Variants in COL18A1 observed in about 807,000 individuals in gnomAD.
COL18A1 encodes collagen type XVIII alpha 1 chain.
In COL18A1, 133 loss-of-function variants were observed where a neutral mutation model predicts 168.0. The observed-to-expected ratio is 0.79, with a 90% confidence interval of 0.69 to 0.91. COL18A1 has a LOEUF of 0.91. Ranked by LOEUF, COL18A1 falls within the 40% of genes least tolerant of loss-of-function variation. The pLI, the probability that COL18A1 is intolerant of heterozygous loss-of-function variation, is 0.00. For synonymous variants in COL18A1, 949 were observed against 809.0 expected (o/e 1.17, Z -2.94); for missense variants, 2,126 against 1,925.4 (o/e 1.10, Z -1.95).
intron 2 of COL18A1, among the ~76,000 whole-genome samples, chr21:45,435,823 T>G (rs567061608): frequency 1.2e-4 from 18 of 152,278 alleles, no homozygotes; most frequent in African/African-American, 4.3e-4. Flanking sequence ...GGTGTCGGCC[T>G]CCTCTGCATT....
At chr21:45,411,383 G>A (rs542945292) in intron 2 of COL18A1, among the ~76,000 whole-genome samples, 1 of 152,242 alleles carries the variant, frequency 6.6e-6, no homozygotes, top group East Asian at 1.9e-4. Context: ...AGCTGCTTGG[G>A]GATAGCCCAG....
rs73907523 is a variant in COL18A1, at chr21:45,473,512, G to A, written c.652-383G>A. On this transcript the variant is annotated intron_variant, in intron 3 of 41. Coordinates refer to ENST00000651438, the MANE Select transcript of COL18A1 (RefSeq NM_001379500.1). This position sits in a 1 kb window ranked among gnomAD's most constrained non-coding sequence, Gnocchi z 4.0. Reference sequence around the variant, plus strand: ...CGCCTGGTGCTTGCGTAAAGCTCCCGGGACTTGGGGTTGGGGGACTTGACC... The same window carrying A: ...CGCCTGGTGCTTGCGTAAAGCTCCCAGGACTTGGGGTTGGGGGACTTGACC... Among the ~76,000 whole-genome samples, 689 of 152,260 alleles carry A rather than the reference G, an allele frequency of 4.5e-3. 9 individuals carry two copies. The highest frequency in any genetic ancestry group is 0.016 in the African/African-American group (654 of 41,540).
Position 45,477,461 on chromosome 21 carries a change from C to T in COL18A1, c.979C>T (p.Arg327Trp), listed in dbSNP as rs551388856. The change falls in exon 7 of 42, where the codon CGG becomes TGG. Residue 327 changes from arginine to tryptophan, a missense_variant. Transcript: ENST00000651438. ...TGTCTCCACGTGGGACGGGAGTGTC[C>T]GGACCCCTGGGGGCCGCGTGAAAGA... ...DSVSTWDGSV[R>W]TPGGRVKEGG... 4.7e-5 allele frequency: 76 copies of T among 1,612,526 alleles called. No homozygotes were observed. The highest frequency in any genetic ancestry group is 3.6e-4 in the South Asian group (33 of 90,668).
chr21:45,443,092 A>ATGTGGGCGGCGGTGCTGG lies in COL18A1; in HGVS notation c.107-25089_107-25072dup, dbSNP rs59034607. Among the ~76,000 whole-genome samples the ATGTGGGCGGCGGTGCTGG allele has an allele frequency of 2.6e-3, 203 of 78,952 alleles. 2 individuals are homozygous for ATGTGGGCGGCGGTGCTGG. The highest frequency in any genetic ancestry group is 8.5e-3 in the Middle Eastern group (1 of 118). 51.8% of individuals were successfully genotyped at this position (78,952 alleles called of 152,430 possible). On this transcript the variant is annotated intron_variant, in intron 2 of 41. Transcript: ENST00000651438. The surrounding 1 kb of genome is among the most constrained non-coding windows in gnomAD (Gnocchi z 5.2). ...GCTGGTGTGGGTGGTGGTGGTGCTG[A>ATGTGGGCGGCGGTGCTGG]TGTGGGCGGCGGTGCTGGTGTGGGC...
rs545461678 is a variant in COL18A1, at chr21:45,510,381, C to T, written c.3693+120C>T. On this transcript the variant is annotated intron_variant, in intron 40 of 41. Transcript: ENST00000651438. ...GAGGCCACCATGTTACAGACACTGGCGCCTAGGCTGGCGACTTCAGGGCAG... is the reference window on the plus strand; with the variant it reads ...GAGGCCACCATGTTACAGACACTGGTGCCTAGGCTGGCGACTTCAGGGCAG... The T allele has an allele frequency of 7.2e-5, 86 of 1,193,942 alleles. No homozygotes were observed. The African/African-American group carries it at 7.4e-4, about 10-fold the overall frequency. The allele number at this position is 1,193,942 out of a possible 1,614,324, so 74.0% of individuals were successfully genotyped here. A position where few individuals can be genotyped will look rare whatever the true frequency, so the allele number is the denominator to read the frequency against.
At chr21:45,496,201 T>C (rs1718981739) in intron 29 of COL18A1, 2 of 590,796 alleles carry the variant, frequency 3.4e-6, no homozygotes, top group African/African-American at 3.7e-5. Context: ...GTCTCCCTGA[T>C]GTCAGCAGGG....
At chr21:45,474,077 A>C in intron 4 of COL18A1, 96 bp downstream of exon 4, 1 of 930,850 alleles carries the variant, frequency 1.1e-6, no homozygotes, top group Non-Finnish European at 1.7e-6. Flanking sequence ...CCCAAAATAT[A>C]CCACTTGGGG....
intron 39 of COL18A1, 75 bp from the exon 40 acceptor site, chr21:45,509,989 C>A: frequency 6.7e-7 from 1 of 1,492,120 alleles, no homozygotes; most frequent in Non-Finnish European, 9.0e-7. Context: ...GGTGCGGGGC[C>A]GGGGTGGTGC....
chr21:45,423,643 G>T lies in COL18A1; in HGVS notation c.106+18170G>T, dbSNP rs2033695758. ...CGGAACCAAGGGGCTCATGGCCATTGAGTGACTCCAGTTAATGCTGAATTA... is the reference window on the plus strand; with the variant it reads ...CGGAACCAAGGGGCTCATGGCCATTTAGTGACTCCAGTTAATGCTGAATTA... On this transcript the variant is annotated intron_variant, in intron 2 of 41. Coordinates refer to ENST00000651438, the MANE Select transcript of COL18A1 (RefSeq NM_001379500.1). This position sits in a 1 kb window ranked among gnomAD's most constrained non-coding sequence, Gnocchi z 4.0. 1 of 151,988 alleles carries T rather than the reference G, an allele frequency of 6.6e-6. No individual in the cohort carries two copies. The highest frequency in any genetic ancestry group is 2.4e-5 in the African/African-American group (1 of 41,350). The allele number at this position is 151,988 out of a possible 1,614,324, so 9.4% of individuals were successfully genotyped here.
At chr21:45,485,359 G>A (rs959441245) in intron 15 of COL18A1, among the ~76,000 whole-genome samples, 1 of 151,178 alleles carries the variant, frequency 6.6e-6, no homozygotes, top group African/African-American at 2.4e-5. Context: ...GGCTGGACAC[G>A]ATGGCTCACA....
At chr21:45,456,970 C>A in intron 2 of COL18A1, 1 of 1,072,746 alleles carries the variant, frequency 9.3e-7, no homozygotes, top group South Asian at 2.1e-5. Flanking sequence ...GGTACAGGTT[C>A]CCCCCACATC....
intron 2 of COL18A1, among the ~76,000 whole-genome samples, chr21:45,439,860 A>C (rs1194054003): frequency 1.3e-5 from 2 of 152,248 alleles, no homozygotes; most frequent in Non-Finnish European, 2.9e-5. Flanking sequence ...AGTCCATTAC[A>C]GTCTCCGGCT....
At chr21:45,509,219 C>A in intron 38 of COL18A1, 137 bp from the exon 39 acceptor site, 4 of 1,225,694 alleles carry the variant, frequency 3.3e-6, no homozygotes, top group Non-Finnish European at 4.5e-6. Flanking sequence ...CCAGGGCAGC[C>A]CCAGAGTCGG....
At chr21:45,480,568 G>A (rs1295374405) in intron 12 of COL18A1, 48 bp downstream of exon 12, 2 of 1,613,886 alleles carry the variant, frequency 1.2e-6, no homozygotes, top group South Asian at 1.1e-5. Context: ...GTGCCCATGA[G>A]GAACAGGCCA....
At chr21:45,506,402 T>TG (rs1468837493) in intron 37 of COL18A1, 3 of 327,102 alleles carry the variant, frequency 9.2e-6, no homozygotes, top group African/African-American at 6.4e-5. Flanking sequence ...AACACCAAGG[T>TG]GGGATGAAAT....
chr21:45,409,151 C>T (rs771618352), intron 2 of COL18A1, among the ~76,000 whole-genome samples: 8 of 151,196 alleles, frequency 5.3e-5, no homozygotes, highest in Non-Finnish European at 1.2e-4. Context: ...GTCAGAGCTG[C>T]CACCCTCCAG....
intron 2 of COL18A1, among the ~76,000 whole-genome samples, chr21:45,464,587 A>G (rs557877147): frequency 6.6e-6 from 1 of 152,330 alleles, no homozygotes; most frequent in African/African-American, 2.4e-5. Context: ...TTTGGAGGTC[A>G]GAGTCTGAAA....
chr21:45,419,186 C>T (rs998186397), intron 2 of COL18A1, among the ~76,000 whole-genome samples: 7 of 152,214 alleles, frequency 4.6e-5, no homozygotes, highest in East Asian at 3.9e-4. Context: ...GACGTGATTC[C>T]GTGTAGTAAG....
At chr21:45,495,546 G>A (rs1259779794) in intron 29 of COL18A1, 114 bp downstream of exon 29, 3 of 844,774 alleles carry the variant, frequency 3.6e-6, no homozygotes, top group South Asian at 1.4e-5. Context: ...AAGCAGCCCT[G>A]CCATGTGGCC....
Sources: gnomAD v4.1 joint callset for allele counts (sites outside exome capture counted in the v4.1 genomes callset) on GRCh38, gnomAD v4.1.1 for gene constraint, Gnocchi (gnomAD v3.1) non-coding constraint, MANE v1.5 for transcripts, NCBI Gene and HGNC (gene_info 2026-07-23, HGNC 2026-07-21) for gene names.